The following ZNF799 variants were observed in gnomAD, a reference collection of about 807,000 sequenced individuals.
ZNF799 encodes the protein zinc finger protein 14.
In ZNF799, 28 loss-of-function variants were observed where a neutral mutation model predicts 41.0. That is an observed-to-expected ratio of 0.68 (90% CI 0.51 to 0.94). The LOEUF (loss-of-function observed/expected upper bound fraction) is 0.94, where lower values mean the gene tolerates loss of function less well. Ranked by LOEUF, ZNF799 falls within the 40% of genes least tolerant of loss-of-function variation. The pLI is 0.00. For synonymous variants in ZNF799, 213 were observed against 252.9 expected, an observed-to-expected ratio of 0.84 and a Z score of 1.50; for missense variants, 716 against 764.3, an observed-to-expected ratio of 0.94 and a Z score of 0.74.
In ZNF799 at chr19:12,391,527, T is replaced by A; in HGVS notation, c.871A>T (p.Ser291Cys). 6.2e-7 allele frequency: 1 copy of A among 1,614,100 alleles called. No homozygotes were observed. The highest frequency in any genetic ancestry group is 8.5e-7 in the Non-Finnish European group (1 of 1,179,988). The change falls in exon 4 of 4, where the codon AGT becomes TGT. Residue 291 changes from serine to cysteine, a missense_variant. Coordinates refer to ENST00000430385, the MANE Select transcript of ZNF799 (RefSeq NM_001080821.3). ...YTCKQCGKAF[S>C]ASTSLRRHET... ...TGTCTTCGAAGGGAAGTGGAAGCAC[T>A]GAAGGCTTTCCCACATTGTTTACAT...
At position 12,401,097 on chromosome 19, in the gene ZNF799, C is replaced by T; in HGVS notation, c.-27G>A. On this transcript the variant is annotated 5_prime_UTR_variant, in exon 1 of 4. Transcript: ENST00000430385. ...TCCCGACTTCCGCGGTGTCCCAGGT[C>T]CTCCGGACGGCTCCCGCTGCCAATG... is the stretch of plus-strand genomic sequence containing the variant. 6.2e-7 allele frequency: 1 copy of T among 1,613,772 alleles called. No individual in the cohort carries two copies. Among genetic ancestry groups the T allele is most frequent in the Non-Finnish European group, 8.5e-7 (1 of 1,179,826 alleles).
intron 1 of ZNF799, among the ~76,000 whole-genome samples, chr19:12,395,585 C>T (rs1297126122): frequency 6.6e-6 from 1 of 152,182 alleles, no homozygotes; most frequent in East Asian, 1.9e-4. Flanking sequence ...AGTAGACCAA[C>T]TAAGTCATGG....
At chr19:12,398,414 C>T (rs1488432348) in intron 1 of ZNF799, among the ~76,000 whole-genome samples, 3 of 152,166 alleles carry the variant, frequency 2.0e-5, no homozygotes, top group Non-Finnish European at 2.9e-5. Flanking sequence ...CCAGGAAAAT[C>T]ACTCAAATTC....
intron 1 of ZNF799, among the ~76,000 whole-genome samples, chr19:12,397,892 T>A (rs1018575121): frequency 2.0e-5 from 3 of 152,078 alleles, no homozygotes; most frequent in African/African-American, 7.2e-5. Context: ...CTATTTTAAG[T>A]AGAAAGACAC....
the ZNF799 span, among the ~76,000 whole-genome samples, chr19:12,406,847 C>T: frequency 1.3e-5 from 2 of 152,116 alleles, no homozygotes; most frequent in African/African-American, 4.8e-5. Context: ...TTGCAGTGAG[C>T]GGAGATCGCG....
At chr19:12,397,329 A>G (rs1318617396) in intron 1 of ZNF799, among the ~76,000 whole-genome samples, 1 of 151,954 alleles carries the variant, frequency 6.6e-6, no homozygotes, top group East Asian at 1.9e-4. Context: ...GCAAGACAGG[A>G]GGACTGCTTA....
the ZNF799 span, among the ~76,000 whole-genome samples, chr19:12,414,358 C>T: frequency 6.6e-6 from 1 of 152,198 alleles, no homozygotes; most frequent in African/African-American, 2.4e-5. Context: ...GGGACATTTG[C>T]ATGTGGGCAT....
chr19:12,404,069 T>C (rs1970014820), upstream of ZNF799, among the ~76,000 whole-genome samples: 3 of 152,244 alleles, frequency 2.0e-5, no homozygotes, highest in South Asian at 6.2e-4. Flanking sequence ...CCAGAATTCC[T>C]CTTGTCATTG....
chr19:12,390,820 G>A lies in ZNF799; in HGVS notation c.1578C>T (p.His526=). 2 of 1,614,066 alleles carry A rather than the reference G, an allele frequency of 1.2e-6. No homozygotes were observed. Among genetic ancestry groups the A allele is most frequent in the Non-Finnish European group, 1.7e-6 (2 of 1,179,998 alleles). Reference sequence around the variant, plus strand: ...TACATTCATACGGCTTCTCTCCAGAGTGAATTCTTTCATGTACTTTTAAGT... The same window carrying A: ...TACATTCATACGGCTTCTCTCCAGAATGAATTCTTTCATGTACTTTTAAGT... ...FGNLKVHERI[H]SGEKPYECKE... The change falls in exon 4 of 4, where the codon CAC becomes CAT. Residue 526 remains histidine, a synonymous_variant. Coordinates refer to ENST00000430385, the MANE Select transcript of ZNF799 (RefSeq NM_001080821.3).
Position 12,392,007 on chromosome 19 carries a change from A to G in ZNF799, c.391T>C (p.Tyr131His), listed in dbSNP as rs2902319. ...TTCTCTCCACATTCATGATACTCAT[A>G]TGGTTTGTGCCCAGCACCAACTCTG... ...YIRVGAGHKP[Y>H]EYHECGEKPD... is the part of the protein sequence containing the mutation. The change falls in exon 4 of 4, where the codon TAT becomes CAT. Residue 131 changes from tyrosine (Y) to histidine (H), a missense_variant. Tyr to His is a moderately conservative substitution (Grantham distance 83). Transcript: ENST00000430385. The G allele has an allele frequency of 2.2e-4, 361 of 1,614,056 alleles. 1 individual carries two copies. The East Asian group carries it at 6.6e-3, about 30-fold the overall frequency.
the ZNF799 span, among the ~76,000 whole-genome samples, chr19:12,410,254 C>CATATATATAT: frequency 4.8e-5 from 3 of 62,036 alleles, no homozygotes; most frequent in African/African-American, 1.4e-4. Context: ...TGTCTGTGTG[C>CATATATATAT]ATATATATAT....
At chr19:12,411,368 T>C in the ZNF799 span, among the ~76,000 whole-genome samples, 1 of 151,904 alleles carries the variant, frequency 6.6e-6, no homozygotes, top group East Asian at 1.9e-4. Flanking sequence ...CAATGGAAAA[T>C]AGCCAATTCT....
chr19:12,406,664 G>A, the ZNF799 span, among the ~76,000 whole-genome samples: 1 of 152,020 alleles, frequency 6.6e-6, no homozygotes, highest in Middle Eastern at 3.4e-3. Flanking sequence ...ACTTTGGGAG[G>A]CCAAAGTGGG....
chr19:12,390,625 C>T lies in ZNF799; in HGVS notation c.1773G>A (p.Lys591=), dbSNP rs779987835. ...GAGAAGCAAATGCTTTCCCACATTC[C>T]TTACATTCATACGGGTTCTCTCCAG... ...THTGENPYEC[K]ECGKAFASLS... is the part of the protein sequence containing the mutation. Residue 591 remains lysine (K), a synonymous_variant, in exon 4 of 4, where the codon AAG becomes AAA. Transcript: ENST00000430385. 1.1e-5 allele frequency: 18 copies of T among 1,613,568 alleles called. No individual in the cohort carries two copies. In the East Asian group the frequency reaches 3.3e-4, roughly 30 times the overall value.
At chr19:12,404,358 G>C (rs538043664), upstream of ZNF799, among the ~76,000 whole-genome samples, 1 of 152,094 alleles carries the variant, frequency 6.6e-6, no homozygotes, top group Non-Finnish European at 1.5e-5. Context: ...TTACTGTCTG[G>C]AAGATCTGTC....
At chr19:12,398,624 T>C (rs1486184439) in intron 1 of ZNF799, among the ~76,000 whole-genome samples, 1 of 152,238 alleles carries the variant, frequency 6.6e-6, no homozygotes, top group African/African-American at 2.4e-5. Flanking sequence ...GAATTTAGCA[T>C]TCATCTGTCA....
At chr19:12,407,280 A>G in the ZNF799 span, among the ~76,000 whole-genome samples, 1 of 152,148 alleles carries the variant, frequency 6.6e-6, no homozygotes, top group Non-Finnish European at 1.5e-5. Context: ...CCTGGGCAAC[A>G]TGGTGAAACT....
the ZNF799 span, among the ~76,000 whole-genome samples, chr19:12,412,986 A>G: frequency 7.4e-6 from 1 of 134,914 alleles, no homozygotes; most frequent in Non-Finnish European, 1.6e-5. Context: ...AGCGGAGGCT[A>G]TGGTGAGCCG....
At chr19:12,411,906 C>A in the ZNF799 span, among the ~76,000 whole-genome samples, 2 of 152,176 alleles carry the variant, frequency 1.3e-5, no homozygotes, top group South Asian at 2.1e-4. Context: ...AGCCACTGTG[C>A]CCAGCCCAGC....
Sources: gnomAD v4.1 joint callset for allele counts (sites outside exome capture counted in the v4.1 genomes callset) on GRCh38, gnomAD v4.1.1 for gene constraint, MANE v1.5 for transcripts, NCBI Gene and HGNC (gene_info 2026-07-23, HGNC 2026-07-21) for gene names.